ADAMTS2: variants seen among roughly 807,000 people sequenced by gnomAD.
ADAMTS2 encodes A disintegrin and metalloproteinase with thrombospondin motifs 2.
Under a neutral mutation model 123.0 loss-of-function variants are expected in ADAMTS2, and 50 were observed. That is an observed-to-expected ratio of 0.41 (90% CI 0.32 to 0.51). ADAMTS2 has a LOEUF of 0.51. Ranked by LOEUF, ADAMTS2 falls within the 20% of genes least tolerant of loss-of-function variation. The pLI, the probability that ADAMTS2 is intolerant of heterozygous loss-of-function variation, is 0.35. For synonymous variants in ADAMTS2, 678 were observed against 695.4 expected (o/e 0.98, Z 0.39); for missense variants, 1,494 against 1,705.2 (o/e 0.88, Z 2.18).
At chr5:179,341,971 A>G (rs1454276934) in intron 2 of ADAMTS2, among the ~76,000 whole-genome samples, 1 of 152,102 alleles carries the variant, frequency 6.6e-6, no homozygotes, top group Non-Finnish European at 1.5e-5. Context: ...CTGGCCACTC[A>G]TTCTTCCAGC....
intron 5 of ADAMTS2, among the ~76,000 whole-genome samples, chr5:179,171,907 GCA>G (rs904813532): frequency 1.3e-5 from 2 of 152,172 alleles, no homozygotes; most frequent in African/African-American, 4.8e-5. Flanking sequence ...CTGGGAACAG[GCA>G]CTGGGGTGTC....
intron 3 of ADAMTS2, among the ~76,000 whole-genome samples, chr5:179,259,470 G>A (rs1449460809): frequency 6.6e-6 from 1 of 152,230 alleles, no homozygotes; most frequent in East Asian, 1.9e-4. Context: ...GAGAGAGGAA[G>A]GGGAGCAGCC....
chr5:179,210,008 C>T (rs1425275550), intron 3 of ADAMTS2, among the ~76,000 whole-genome samples: 3 of 152,198 alleles, frequency 2.0e-5, no homozygotes, highest in Admixed American at 6.5e-5. Flanking sequence ...GTTGAGGTCA[C>T]GTGGTGCCAT....
chr5:179,301,363 C>G (rs1561710404), intron 2 of ADAMTS2, among the ~76,000 whole-genome samples: 1 of 152,222 alleles, frequency 6.6e-6, no homozygotes, highest in African/African-American at 2.4e-5. Context: ...ACCTACTTTA[C>G]AGAGTTGTCA....
At chr5:179,306,234 C>G (rs1756668882) in intron 2 of ADAMTS2, among the ~76,000 whole-genome samples, 1 of 152,050 alleles carries the variant, frequency 6.6e-6, no homozygotes, top group African/African-American at 2.4e-5. Flanking sequence ...ACTGGCAAGT[C>G]TAGTCCAGCC....
At chr5:179,239,236 G>A (rs866344965) in intron 3 of ADAMTS2, among the ~76,000 whole-genome samples, 15 of 152,142 alleles carry the variant, frequency 9.9e-5, no homozygotes, top group African/African-American at 2.4e-4. Flanking sequence ...AGTGACAACC[G>A]TGGAGATGGT....
Position 179,260,504 on chromosome 5 carries a change from A to G in ADAMTS2, c.688+12407T>C, listed in dbSNP as rs552155820. Among the ~76,000 whole-genome samples the G allele has an allele frequency of 2.6e-4, 39 of 152,242 alleles. No homozygotes were observed. Among genetic ancestry groups the G allele is most frequent in the African/African-American group, 8.4e-4 (35 of 41,534 alleles). On this transcript the variant is annotated intron_variant, in intron 3 of 21. Transcript: ENST00000251582. The surrounding 1 kb of genome is among the most constrained non-coding windows in gnomAD (Gnocchi z 4.2). ...TGGTGCTTGGAAGGCCCTCTGTCCAACAAACAGATGGGGTCACAGGCTACC... is the reference window on the plus strand; with the variant it reads ...TGGTGCTTGGAAGGCCCTCTGTCCAGCAAACAGATGGGGTCACAGGCTACC...
At chr5:179,304,104 A>G (rs959862218) in intron 2 of ADAMTS2, among the ~76,000 whole-genome samples, 1 of 152,206 alleles carries the variant, frequency 6.6e-6, no homozygotes, top group African/African-American at 2.4e-5. Flanking sequence ...GGGATTGATC[A>G]GAATAGGACT....
At chr5:179,221,413 C>T (rs191436969) in intron 3 of ADAMTS2, among the ~76,000 whole-genome samples, 24 of 152,302 alleles carry the variant, frequency 1.6e-4, no homozygotes, top group African/African-American at 5.8e-4. Context: ...GAGGACCTTG[C>T]TGCCATCACC....
In ADAMTS2 at chr5:179,343,963, A is replaced by G; in HGVS notation, c.338T>C (p.Val113Ala). ...EEPGSHLFYN[V>A]TVFGRDLHLR... Reference sequence around the variant, plus strand: ...GTGCAGGTCTCGGCCAAAGACCGTGACATTGTAGAAGAGGTGACTGCCAGG... The same window carrying G: ...GTGCAGGTCTCGGCCAAAGACCGTGGCATTGTAGAAGAGGTGACTGCCAGG... The change falls in exon 2 of 22, where the codon GTC (valine) becomes GCC (alanine). Residue 113 changes from valine to alanine, a missense_variant. Transcript: ENST00000251582. The G allele has an allele frequency of 6.2e-7, 1 of 1,612,276 alleles. No individual in the cohort carries two copies. Among genetic ancestry groups the G allele is most frequent in the Non-Finnish European group, 8.5e-7 (1 of 1,179,732 alleles).
intron 2 of ADAMTS2, among the ~76,000 whole-genome samples, chr5:179,315,946 T>C (rs1339985257): frequency 1.3e-5 from 2 of 152,102 alleles, no homozygotes; most frequent in Non-Finnish European, 2.9e-5. Flanking sequence ...AGAAGGAATA[T>C]TTCAAAAAAC....
chr5:179,287,699 G>T (rs939244375), intron 2 of ADAMTS2, among the ~76,000 whole-genome samples: 2 of 152,342 alleles, frequency 1.3e-5, no homozygotes, highest in East Asian at 3.9e-4. Flanking sequence ...CAGTCTCGAG[G>T]ACCCAGGAGG....
intron 2 of ADAMTS2, among the ~76,000 whole-genome samples, chr5:179,335,786 T>C (rs1314788084): frequency 6.6e-6 from 1 of 152,176 alleles, no homozygotes; most frequent in Non-Finnish European, 1.5e-5. Context: ...CTACTTTCCA[T>C]GTGCTCCCAA....
At chr5:179,233,839 T>C (rs1435441594) in intron 3 of ADAMTS2, among the ~76,000 whole-genome samples, 1 of 152,086 alleles carries the variant, frequency 6.6e-6, no homozygotes, top group Non-Finnish European at 1.5e-5. Flanking sequence ...TGGCCCAGCA[T>C]CCATTCTCCC....
chr5:179,260,962 G>A lies in ADAMTS2; in HGVS notation c.688+11949C>T, dbSNP rs971432147. Among the ~76,000 whole-genome samples the A allele has an allele frequency of 2.0e-5, 3 of 152,132 alleles. No individual in the cohort carries two copies. The East Asian group carries it at 5.8e-4, about 29-fold the overall frequency. On this transcript the variant is annotated intron_variant, in intron 3 of 21. Transcript: ENST00000251582. This position sits in a 1 kb window ranked among gnomAD's most constrained non-coding sequence, Gnocchi z 4.2. ...GTGCCCACCTTCGCGCAGGCCCTCG[G>A]TGAATGGGCATGTCCTTGAACGCAA...
chr5:179,238,512 A>G (rs1001620148), intron 3 of ADAMTS2, among the ~76,000 whole-genome samples: 3 of 152,052 alleles, frequency 2.0e-5, no homozygotes, highest in African/African-American at 4.8e-5. Context: ...GGAGCTGTCT[A>G]CAAAGCCTTA....
At chr5:179,186,802 C>T (rs954378117) in intron 4 of ADAMTS2, among the ~76,000 whole-genome samples, 4 of 149,686 alleles carry the variant, frequency 2.7e-5, no homozygotes, top group African/African-American at 9.9e-5. Flanking sequence ...AGGAGACAGG[C>T]GGTAGGGCTC....
At position 179,175,162 on chromosome 5, in the gene ADAMTS2, C is replaced by T. The variant is rs1014491917; in HGVS notation, c.975+5910G>A. ...GGAAGTCTCTTCCTTGCTTGGGTTCCGCAGCTGTCTCAGCCATTCTTGACC... is the reference window on the plus strand; with the variant it reads ...GGAAGTCTCTTCCTTGCTTGGGTTCTGCAGCTGTCTCAGCCATTCTTGACC... On this transcript the variant is annotated intron_variant, in intron 5 of 21. Transcript: ENST00000251582. The surrounding 1 kb of genome is among the most constrained non-coding windows in gnomAD (Gnocchi z 4.1). Among the ~76,000 whole-genome samples, 15 of 150,132 alleles carry T rather than the reference C, an allele frequency of 1.0e-4. No homozygotes were observed. Among genetic ancestry groups the T allele is most frequent in the South Asian group, 2.1e-4 (1 of 4,710 alleles).
At position 179,219,855 on chromosome 5, in the gene ADAMTS2, C is replaced by T. The variant is rs566935921; in HGVS notation, c.689-12140G>A. ...TCCCCTTCGTCCCCCCAGCACCCGC[C>T]GAACTACCGAGGCTCCTCTGCACCT... is the stretch of plus-strand genomic sequence containing the variant. On this transcript the variant is annotated intron_variant, in intron 3 of 21. Coordinates refer to ENST00000251582, the MANE Select transcript of ADAMTS2 (RefSeq NM_014244.5). Among the ~76,000 whole-genome samples, 264 of 152,340 alleles carry T rather than the reference C, an allele frequency of 1.7e-3. 2 individuals are homozygous for T. Among genetic ancestry groups the T allele is most frequent in the African/African-American group, 6.0e-3 (248 of 41,580 alleles).
Sources: allele counts gnomAD v4.1 joint callset (sites outside exome capture counted in the v4.1 genomes callset), GRCh38; gene constraint gnomAD v4.1.1; non-coding constraint Gnocchi (gnomAD v3.1); transcripts MANE v1.5; gene names NCBI Gene and HGNC (gene_info 2026-07-23, HGNC 2026-07-21).